The following UGT2B7 variants were observed in gnomAD, a reference collection of about 807,000 sequenced individuals.
The protein encoded by UGT2B7 is UDP glucuronosyltransferase family 2 member B7.
In UGT2B7, 51 loss-of-function variants were observed where a neutral mutation model predicts 51.9. The observed-to-expected ratio is 0.98, with a 90% confidence interval of 0.78 to 1.24. UGT2B7 has a LOEUF of 1.24. Among genes scored for constraint, UGT2B7 ranks in the 50% most tolerant of loss-of-function variants. The probability of loss-of-function intolerance (pLI) is 0.00; values close to 1 mark genes in which losing one functional copy is unlikely to be tolerated. For missense variants in UGT2B7, 727 were observed against 628.4 expected, an observed-to-expected ratio of 1.16 and a Z score of -1.68; for synonymous variants, 225 against 211.6, an observed-to-expected ratio of 1.06 and a Z score of -0.55.
chr4:69,064,019 G>GGAAAGAAAGAAAGAAAGAAAGAAAGAAA (rs71204072), intron 1 of UGT2B7, among the ~76,000 whole-genome samples: 15 of 60,200 alleles, frequency 2.5e-4, no homozygotes, highest in South Asian at 5.9e-4. Context: ...AGATGAGATG[G>GGAAAGAAAGAAAGAAAGAAAGAAAGAAA]GAAAGAAAGA....
intron 1 of UGT2B7, among the ~76,000 whole-genome samples, chr4:69,087,789 A>AG (rs1553912737): frequency 8.6e-4 from 130 of 150,932 alleles, no homozygotes; most frequent in African/African-American, 2.9e-3. Flanking sequence ...TATTTATTTT[A>AG]TTTTTTTTTG....
At chr4:69,103,454 A>T (rs1278095971) in intron 3 of UGT2B7, among the ~76,000 whole-genome samples, 3 of 152,306 alleles carry the variant, frequency 2.0e-5, no homozygotes, top group South Asian at 2.1e-4. Flanking sequence ...TGTATTCACA[A>T]AAGGCAACTT....
intron 5 of UGT2B7, among the ~76,000 whole-genome samples, chr4:69,110,218 G>A (rs1323364685): frequency 6.6e-6 from 1 of 151,920 alleles, no homozygotes; most frequent in African/African-American, 2.4e-5. Flanking sequence ...AGAGCATGTC[G>A]AATAGTTATC....
At chr4:69,111,694 T>G (rs1577929669) in intron 5 of UGT2B7, among the ~76,000 whole-genome samples, 3 of 152,206 alleles carry the variant, frequency 2.0e-5, no homozygotes, top group Non-Finnish European at 2.9e-5. Flanking sequence ...ACACTTAATA[T>G]GTACCCTCAA....
chr4:69,101,974 T>C (rs1308174582), intron 2 of UGT2B7, among the ~76,000 whole-genome samples: 1 of 152,116 alleles, frequency 6.6e-6, no homozygotes, highest in East Asian at 1.9e-4. Context: ...TGAGAGTTCC[T>C]CACATGCAGT....
At position 69,096,937 on chromosome 4, in the gene UGT2B7, AG is replaced by A. The variant is rs766247299; in HGVS notation, c.418del (p.Val140TyrfsTer62). On this transcript the variant is annotated frameshift_variant, in exon 1 of 6. Transcript: ENST00000305231. LOFTEE classifies it high-confidence loss of function. ...VVSNKKFMKK[V>X]QESRFDVIFA... ...TTTCAAATAAGAAATTTATGAAAAA[AG>A]TACAAGAGTCAAGATTTGACGTCAT... 3 of 1,612,136 alleles carry A rather than the reference AG, an allele frequency of 1.9e-6. No homozygotes were observed. Among genetic ancestry groups the A allele is most frequent in the Non-Finnish European group, 2.5e-6 (3 of 1,179,508 alleles).
At chr4:69,070,674 A>G (rs1718581789) in intron 1 of UGT2B7, among the ~76,000 whole-genome samples, 1 of 152,108 alleles carries the variant, frequency 6.6e-6, no homozygotes. Context: ...AGAAAATTAC[A>G]TAAAAATTAA....
chr4:69,058,447 G>A (rs1243789767), intron 1 of UGT2B7, among the ~76,000 whole-genome samples: 1 of 152,152 alleles, frequency 6.6e-6, no homozygotes, highest in African/African-American at 2.4e-5. Flanking sequence ...AGAGGACCCC[G>A]ACTAGGACCC....
intron 1 of UGT2B7, among the ~76,000 whole-genome samples, chr4:69,081,290 C>T (rs1210528522): frequency 1.3e-5 from 2 of 152,126 alleles, no homozygotes; most frequent in Non-Finnish European, 2.9e-5. Context: ...ATATTCCTCA[C>T]ATTTACTATT....
At position 69,102,819 on chromosome 4, in the gene UGT2B7, T is replaced by A; in HGVS notation, c.883T>A (p.Phe295Ile). Residue 295 changes from phenylalanine (F) to isoleucine (I), a missense_variant, in exon 3 of 6, where the codon TTT (phenylalanine) becomes ATT (isoleucine). Coordinates refer to ENST00000305231, the MANE Select transcript of UGT2B7 (RefSeq NM_001074.4). ...TCTTTCTTCACAGGAAATGGAAGACTTTGTACAGAGCTCTGGAGAAAATGG... is the reference window on the plus strand; with the variant it reads ...TCTTTCTTCACAGGAAATGGAAGACATTGTACAGAGCTCTGGAGAAAATGG... ...AKPLPKEMED[F>I]VQSSGENGVV... 1.9e-6 allele frequency: 3 copies of A among 1,612,960 alleles called. No homozygotes were observed. Among genetic ancestry groups the A allele is most frequent in the Non-Finnish European group, 2.5e-6 (3 of 1,179,484 alleles).
At chr4:69,066,490 T>A (rs901130222) in intron 1 of UGT2B7, 1 of 152,160 alleles carries the variant, frequency 6.6e-6, no homozygotes, top group South Asian at 2.1e-4. Flanking sequence ...GGTAAGACTC[T>A]GAGGATCAAA....
intron 1 of UGT2B7, among the ~76,000 whole-genome samples, chr4:69,084,490 T>C (rs1718905879): frequency 6.6e-6 from 1 of 152,096 alleles, no homozygotes; most frequent in Non-Finnish European, 1.5e-5. Flanking sequence ...TGGATACATG[T>C]GCAGAACATG....
At chr4:69,055,110 A>AG (rs1718151467) in intron 1 of UGT2B7, among the ~76,000 whole-genome samples, 1 of 148,882 alleles carries the variant, frequency 6.7e-6, no homozygotes, top group African/African-American at 2.5e-5. Flanking sequence ...AAAAAAAAAA[A>AG]AAAAAAAAAA....
intron 2 of UGT2B7, among the ~76,000 whole-genome samples, chr4:69,090,318 T>C (rs766421537): frequency 2.6e-5 from 4 of 152,152 alleles, no homozygotes; most frequent in Non-Finnish European, 4.4e-5. Flanking sequence ...GTTTTGCCTA[T>C]TAAATTGGAA....
At chr4:69,091,399 T>G (rs547767141) in intron 2 of UGT2B7, among the ~76,000 whole-genome samples, 25 of 102,166 alleles carry the variant, frequency 2.4e-4, no homozygotes, top group Middle Eastern at 5.3e-3. Context: ...AAAGATTTTG[T>G]TTTTTTTTTC....
intron 1 of UGT2B7, among the ~76,000 whole-genome samples, chr4:69,055,098 TAA>T (rs1178892377): frequency 8.3e-3 from 187 of 22,538 alleles, no homozygotes; most frequent in African/African-American, 0.026. Context: ...AAGTAATAGC[TAA>T]AAAAAAAAAA....
At chr4:69,064,125 A>AAGG in intron 1 of UGT2B7, among the ~76,000 whole-genome samples, 1 of 144,802 alleles carries the variant, frequency 6.9e-6, no homozygotes, top group Middle Eastern at 3.6e-3. Flanking sequence ...AGAAAGAAAG[A>AAGG]AAGAAAGAAA....
chr4:69,064,106 G>GAA (rs1560499790), intron 1 of UGT2B7, among the ~76,000 whole-genome samples: 1 of 118,306 alleles, frequency 8.5e-6, no homozygotes, highest in Non-Finnish European at 1.7e-5. Context: ...GAGAAAGAAA[G>GAA]AAAGAAAAAG....
chr4:69,073,978 T>G (rs1254896477), intron 1 of UGT2B7, among the ~76,000 whole-genome samples: 1 of 152,130 alleles, frequency 6.6e-6, no homozygotes, highest in Non-Finnish European at 1.5e-5. Flanking sequence ...TATTCATCCT[T>G]CTCACCTCAT....
Sources: gnomAD v4.1 joint callset for allele counts (sites outside exome capture counted in the v4.1 genomes callset) on GRCh38, gnomAD v4.1.1 for gene constraint, MANE v1.5 for transcripts, NCBI Gene and HGNC (gene_info 2026-07-23, HGNC 2026-07-21) for gene names.